NPHP4: variants seen among roughly 807,000 people sequenced by gnomAD.
The protein encoded by NPHP4 is nephrocystin 4.
A neutral mutation model predicts 155.8 loss-of-function variants in NPHP4; 151 were observed. The ratio of observed to expected loss-of-function variants is 0.97; its 90% CI spans 0.85 to 1.11. The LOEUF (loss-of-function observed/expected upper bound fraction) is 1.11, where lower values mean the gene tolerates loss of function less well. Ranked by LOEUF, NPHP4 falls within the 50% of genes least tolerant of loss-of-function variation. NPHP4 has a pLI of 0.00. For missense variants in NPHP4, 1,956 were observed against 1,925.7 expected (o/e 1.02, Z -0.29); for synonymous variants, 845 against 816.8 (o/e 1.03, Z -0.59).
chr1:5,973,570 T>C (rs1009159093), intron 3 of NPHP4, among the ~76,000 whole-genome samples: 3 of 152,114 alleles, frequency 2.0e-5, no homozygotes, highest in African/African-American at 4.8e-5. Flanking sequence ...CTGGGCAACA[T>C]AGTGAGACCC....
At position 5,867,880 on chromosome 1, in the gene NPHP4, C is replaced by G. The variant is rs779884113; in HGVS notation, c.3332G>C (p.Ser1111Thr). ...GAGCACGGCGATGGGCTTGCCACCA[C>G]TCGCTCGGAACAAGACCTGTGAGGA... Reference protein sequence around the residue: ...TKHAKVLFRASGGKPIAVLCL... With the variant: ...TKHAKVLFRATGGKPIAVLCL... Residue 1111 changes from serine to threonine, a missense_variant, in exon 24 of 30, where the codon AGT becomes ACT. Physicochemically the swap from Ser to Thr is moderately conservative, Grantham distance 58. Coordinates refer to ENST00000378156, the MANE Select transcript of NPHP4 (RefSeq NM_015102.5). This position sits in a 1 kb window ranked among gnomAD's most constrained non-coding sequence, Gnocchi z 4.1. The G allele has an allele frequency of 6.2e-7, 1 of 1,613,982 alleles. No individual in the cohort carries two copies. The highest frequency in any genetic ancestry group is 8.5e-7 in the Non-Finnish European group (1 of 1,179,900).
intron 3 of NPHP4, among the ~76,000 whole-genome samples, chr1:5,975,942 C>T (rs918229327): frequency 1.3e-5 from 2 of 152,194 alleles, no homozygotes; most frequent in Admixed American, 6.5e-5. Flanking sequence ...GCCTGCGCAG[C>T]ACGGATCCTT....
chr1:5,887,459 A>T lies in NPHP4; in HGVS notation c.2312T>A (p.Leu771His), dbSNP rs1237462272. The T allele has an allele frequency of 1.2e-6, 2 of 1,613,024 alleles. No individual in the cohort carries two copies. The highest frequency in any genetic ancestry group is 1.7e-6 in the Non-Finnish European group (2 of 1,179,854). ...GSAAVQMKHL[L>H]RQGRPAVQAS... Reference sequence around the variant, plus strand: ...CTGCACAGCCGGCCGGCCTTGGCGGAGGAGATGCTGCAGAAGAGAAAAGCG... The same window carrying T: ...CTGCACAGCCGGCCGGCCTTGGCGGTGGAGATGCTGCAGAAGAGAAAAGCG... The change falls in exon 18 of 30, where the codon CTC becomes CAC. Residue 771 changes from leucine to histidine, a missense_variant. Leu to His is a moderately conservative substitution (Grantham distance 99, BLOSUM62 -3). Transcript: ENST00000378156.
At chr1:5,977,568 T>A (rs1288522044) in intron 3 of NPHP4, among the ~76,000 whole-genome samples, 3 of 151,710 alleles carry the variant, frequency 2.0e-5, no homozygotes, top group Non-Finnish European at 4.4e-5. Context: ...TGCAGTTCTG[T>A]TAGGTGAGCG....
intron 10 of NPHP4, among the ~76,000 whole-genome samples, chr1:5,930,835 C>T (rs1646236590): frequency 6.6e-6 from 1 of 152,202 alleles, no homozygotes; most frequent in South Asian, 2.1e-4. Flanking sequence ...GATGGAATAG[C>T]TAGTTGTTCT....
At chr1:5,897,099 T>C (rs1644432010) in intron 16 of NPHP4, among the ~76,000 whole-genome samples, 2 of 152,216 alleles carry the variant, frequency 1.3e-5, no homozygotes, top group African/African-American at 2.4e-5. Flanking sequence ...CATGTATATG[T>C]AGTTCATCGC....
In NPHP4 at chr1:5,880,234, G is replaced by T. The variant is rs1393384185; in HGVS notation, c.2491C>A (p.Pro831Thr). Residue 831 changes from proline (P) to threonine (T), a missense_variant, in exon 19 of 30, where the codon CCG (proline) becomes ACG (threonine). By Grantham distance (38) the Pro-to-Thr change is conservative. Coordinates refer to ENST00000378156, the MANE Select transcript of NPHP4 (RefSeq NM_015102.5). ...LHLTLANVGH[P>T]CEQKVRGCST... ...CAACCTCTCACTTTCTGTTCACACG[G>T]GTGACCTACATGAAAAACATCCCAA... 3 of 1,613,426 alleles carry T rather than the reference G, an allele frequency of 1.9e-6. No homozygotes were observed. The highest frequency in any genetic ancestry group is 2.5e-6 in the Non-Finnish European group (3 of 1,179,650).
chr1:5,913,083 G>A (rs765759673), intron 11 of NPHP4, among the ~76,000 whole-genome samples: 4 of 151,560 alleles, frequency 2.6e-5, no homozygotes, highest in Non-Finnish European at 5.9e-5. Context: ...CCCAGGAGGC[G>A]GAGGTTGCAA....
chr1:5,874,117 GA>G (rs149990568), intron 22 of NPHP4, among the ~76,000 whole-genome samples: 488 of 152,324 alleles, frequency 3.2e-3, no homozygotes, highest in Non-Finnish European at 5.9e-3. Context: ...GCATAGAGCA[GA>G]CAGTGCTGCA....
intron 18 of NPHP4, among the ~76,000 whole-genome samples, chr1:5,884,335 G>A (rs1231740622): frequency 1.3e-5 from 2 of 152,164 alleles, no homozygotes; most frequent in African/African-American, 2.4e-5. Flanking sequence ...GATGTCCTGT[G>A]AGAACACAGA....
intron 6 of NPHP4, 109 bp from the exon 7 acceptor site, chr1:5,952,945 A>G: frequency 9.8e-7 from 1 of 1,022,206 alleles, no homozygotes; most frequent in Non-Finnish European, 1.4e-6. Flanking sequence ...GCAGCAACGA[A>G]GGGTGCTCGG....
At chr1:5,982,216 CA>C (rs1654824063) in intron 2 of NPHP4, among the ~76,000 whole-genome samples, 1 of 152,054 alleles carries the variant, frequency 6.6e-6, no homozygotes. Context: ...CATATACAGT[CA>C]TGTGTAACAT....
Position 5,909,174 on chromosome 1 carries a change from T to G in NPHP4, c.1481A>C (p.Gln494Pro). Residue 494 changes from glutamine (Q) to proline (P), a missense_variant, in exon 12 of 30, where the codon CAG becomes CCG. Gln to Pro is a moderately conservative substitution (Grantham distance 76). Coordinates refer to ENST00000378156, the MANE Select transcript of NPHP4 (RefSeq NM_015102.5). ...APVPRVLAAP[Q>P]NSPVGPGLSI... ...TACCCCTGGTCCCACAGGTGAGTTC[T>G]GCGGGGCAGCGAGAACTCGAGGTAC... 1 of 1,602,860 alleles carries G rather than the reference T, an allele frequency of 6.2e-7. No individual in the cohort carries two copies. Among genetic ancestry groups the G allele is most frequent in the Non-Finnish European group, 8.5e-7 (1 of 1,175,064 alleles).
intron 2 of NPHP4, among the ~76,000 whole-genome samples, chr1:5,984,951 G>T (rs376875803): frequency 6.6e-6 from 1 of 152,182 alleles, no homozygotes; most frequent in Non-Finnish European, 1.5e-5. Flanking sequence ...GCTGCTGCTC[G>T]TCTATAAAAC....
At chr1:5,978,624 C>A (rs1276235814) in intron 2 of NPHP4, among the ~76,000 whole-genome samples, 1 of 152,140 alleles carries the variant, frequency 6.6e-6, no homozygotes, top group African/African-American at 2.4e-5. Context: ...CGAAAGACTG[C>A]AGTCCCTTGG....
At chr1:5,896,693 GAAGC>G (rs774201597) in intron 16 of NPHP4, among the ~76,000 whole-genome samples, 1 of 152,164 alleles carries the variant, frequency 6.6e-6, no homozygotes, top group Non-Finnish European at 1.5e-5. Context: ...GAAAGGTTTT[GAAGC>G]AAGAAGACCC....
At chr1:5,911,641 A>G (rs984331903) in intron 11 of NPHP4, among the ~76,000 whole-genome samples, 26 of 152,204 alleles carry the variant, frequency 1.7e-4, no homozygotes, top group African/African-American at 5.8e-4. Flanking sequence ...AAACCTACCT[A>G]CAAGGCCATT....
chr1:5,871,998 G>A (rs1642057729), intron 23 of NPHP4, among the ~76,000 whole-genome samples: 1 of 147,326 alleles, frequency 6.8e-6, no homozygotes, highest in African/African-American at 2.4e-5. Context: ...TCATATTTCT[G>A]ACGTAAAGAT....
Position 5,909,079 on chromosome 1 carries a change from G to C in NPHP4, c.1503+73C>G, listed in dbSNP as rs116830098. On this transcript the variant is annotated intron_variant, in intron 12 of 29. Transcript: ENST00000378156. ...CACGCAGGGATCCACTGTGCTTAAG[G>C]GGGGACAGAGGGTTTTCTTGCAAGT... is the stretch of plus-strand genomic sequence containing the variant. The C allele has an allele frequency of 4.9e-5, 61 of 1,252,974 alleles. No individual in the cohort carries two copies. The East Asian group carries it at 6.8e-4, about 14-fold the overall frequency. The allele number at this position is 1,252,974 out of a possible 1,614,324, so 77.6% of individuals were successfully genotyped here. A position where few individuals can be genotyped will look rare whatever the true frequency, so the allele number is the denominator to read the frequency against.
Sources: allele counts gnomAD v4.1 joint callset (sites outside exome capture counted in the v4.1 genomes callset), GRCh38; gene constraint gnomAD v4.1.1; non-coding constraint Gnocchi (gnomAD v3.1); transcripts MANE v1.5; gene names NCBI Gene and HGNC (gene_info 2026-07-23, HGNC 2026-07-21).